The following IVNS1ABP variants were observed in gnomAD, a reference collection of about 807,000 sequenced individuals.
IVNS1ABP encodes the protein influenza virus NS1A binding protein.
IVNS1ABP carries 25 observed loss-of-function variants against 78.9 expected under a neutral mutation model. The observed-to-expected ratio is 0.32, with a 90% CI of 0.23 to 0.44. IVNS1ABP has a LOEUF of 0.44. Among genes scored for constraint, IVNS1ABP ranks in the 20% least tolerant of loss-of-function variants. IVNS1ABP has a pLI of 1.00. For missense variants in IVNS1ABP, 494 were observed against 768.9 expected (o/e 0.64, Z 4.23); for synonymous variants, 241 against 259.7 (o/e 0.93, Z 0.69).
chr1:185,311,057 T>C (rs1558119517), intron 2 of IVNS1ABP, 38 bp downstream of exon 2: 1 of 348,752 alleles, frequency 2.9e-6, no homozygotes, highest in Non-Finnish European at 5.1e-6. Flanking sequence ...AAAAACAATG[T>C]GTCTTAATAC....
At chr1:185,299,007 T>A (rs547304954) in intron 14 of IVNS1ABP, 1 of 152,338 alleles carries the variant, frequency 6.6e-6, no homozygotes, top group East Asian at 1.9e-4. Context: ...TTAGAAAAAA[T>A]TTTATTACTG....
intron 8 of IVNS1ABP, among the ~76,000 whole-genome samples, chr1:185,302,885 G>A (rs1199332432): frequency 6.6e-6 from 1 of 152,018 alleles, no homozygotes; most frequent in Non-Finnish European, 1.5e-5. Context: ...TAGGAATTAT[G>A]AAGATAAACC....
chr1:185,308,489 A>T (rs1382680491), intron 5 of IVNS1ABP, among the ~76,000 whole-genome samples: 1 of 152,202 alleles, frequency 6.6e-6, no homozygotes, highest in African/African-American at 2.4e-5. Flanking sequence ...CACAGAATTG[A>T]GGATATAAGT....
intron 1 of IVNS1ABP, 76 bp downstream of exon 1, chr1:185,316,877 C>T: frequency 2.5e-6 from 1 of 397,384 alleles, no homozygotes; most frequent in Non-Finnish European, 4.4e-6. Flanking sequence ...TCCCATCCGC[C>T]GGCGCCATCC....
At chr1:185,303,529 CAT>C (rs1209886324) in intron 8 of IVNS1ABP, among the ~76,000 whole-genome samples, 2 of 152,058 alleles carry the variant, frequency 1.3e-5, no homozygotes, top group Non-Finnish European at 2.9e-5. Context: ...ATGAGTCACA[CAT>C]GTCAGAATCC....
rs775662633 is a variant in IVNS1ABP, at chr1:185,307,072, T to C, written c.599A>G (p.Asn200Ser). Residue 200 changes from asparagine (N) to serine (S), a missense_variant, in exon 7 of 15, where the codon AAC (asparagine) becomes AGC (serine). Transcript: ENST00000367498. ...CTCCCAGATGCTACGCTGCACCCAG[T>C]TGATTACCTTTGTATATAATTTGCC... ...SNGKLYTKVI[N>S]WVQRSIWENG... 6.2e-7 allele frequency: 1 copy of C among 1,613,522 alleles called. No homozygotes were observed. The highest frequency in any genetic ancestry group is 8.5e-7 in the Non-Finnish European group (1 of 1,179,528).
intron 9 of IVNS1ABP, 53 bp downstream of exon 9, chr1:185,301,381 C>G: frequency 1.9e-6 from 3 of 1,597,412 alleles, no homozygotes; most frequent in Non-Finnish European, 2.6e-6. Flanking sequence ...TGGCAACACT[C>G]CTTCTTAAAA....
intron 1 of IVNS1ABP, among the ~76,000 whole-genome samples, chr1:185,316,233 G>C (rs555313931): frequency 7.7e-4 from 117 of 152,184 alleles, no homozygotes; most frequent in African/African-American, 2.6e-3. Context: ...CGCAGGCTGC[G>C]AGGCGAGGCC....
chr1:185,299,412 A>G (rs999480345), intron 14 of IVNS1ABP: 6 of 367,416 alleles, frequency 1.6e-5, no homozygotes, highest in African/African-American at 8.2e-5. Flanking sequence ...AAGAAGGGGA[A>G]ACTCAAAATT....
rs1033859731 is a variant in IVNS1ABP, at chr1:185,305,798, A to G, written c.658-155T>C. 6.2e-5 allele frequency: 45 copies of G among 726,544 alleles called. No homozygotes were observed. The Admixed American group carries it at 1.6e-3, about 25-fold the overall frequency. 45.0% of individuals were successfully genotyped at this position (726,544 alleles called of 1,614,324 possible). A position where few individuals can be genotyped will look rare whatever the true frequency, so the allele number is the denominator to read the frequency against. On this transcript the variant is annotated intron_variant, in intron 7 of 14. Transcript: ENST00000367498. The surrounding 1 kb of genome is among the most constrained non-coding windows in gnomAD (Gnocchi z 4.0). ...AGGATCCGGAGGTAAAGAAAAATAC[A>G]TGTCATGGTGGTAAAAATTAAAAAA...
chr1:185,307,632 C>T lies in IVNS1ABP; in HGVS notation c.388G>A (p.Asp130Asn). The change falls in exon 6 of 15, where the codon GAT (aspartate) becomes AAT (asparagine). Residue 130 changes from aspartate (D) to asparagine (N), a missense_variant. By Grantham distance (23) the Asp-to-Asn change is conservative. Coordinates refer to ENST00000367498, the MANE Select transcript of IVNS1ABP (RefSeq NM_006469.5). ...CGGTAAGAGATGCAGCTGGTAACAT[C>T]CATTCTAGACAGTAAATAATCACCA... Reference protein sequence around the residue: ...VCGDYLLSRMDVTSCISYRNF... With the variant: ...VCGDYLLSRMNVTSCISYRNF... 6.2e-7 allele frequency: 1 copy of T among 1,613,388 alleles called. No homozygotes were observed. The highest frequency in any genetic ancestry group is 8.5e-7 in the Non-Finnish European group (1 of 1,179,568).
chr1:185,299,411 A>G (rs749040917), intron 14 of IVNS1ABP: 14 of 366,582 alleles, frequency 3.8e-5, no homozygotes, highest in Non-Finnish European at 6.6e-5. Context: ...AAAGAAGGGG[A>G]AACTCAAAAT....
At chr1:185,314,121 A>ATTTATAATACAATT (rs1665953514) in intron 1 of IVNS1ABP, among the ~76,000 whole-genome samples, 2 of 152,214 alleles carry the variant, frequency 1.3e-5, no homozygotes, top group Admixed American at 6.5e-5. Context: ...TGCATTTTTA[A>ATTTATAATACAATT]AGGAAAGACT....
intron 1 of IVNS1ABP, among the ~76,000 whole-genome samples, chr1:185,316,082 C>T (rs1270132934): frequency 6.6e-6 from 1 of 152,210 alleles, no homozygotes. Flanking sequence ...ACCTTCCTAT[C>T]ATCAAGAGCT....
At chr1:185,301,665 T>C (rs992636053) in intron 8 of IVNS1ABP, 102 bp from the exon 9 acceptor site, 2 of 1,255,906 alleles carry the variant, frequency 1.6e-6, no homozygotes, top group Non-Finnish European at 2.3e-6. Flanking sequence ...TTCACCTATA[T>C]ATGACATTTA....
At position 185,299,834 on chromosome 1, in the gene IVNS1ABP, G is replaced by A. The variant is rs751982686; in HGVS notation, c.1551C>T (p.Ile517=). 8 of 1,613,610 alleles carry A rather than the reference G, an allele frequency of 5.0e-6. No homozygotes were observed. The highest frequency in any genetic ancestry group is 2.2e-5 in the East Asian group (1 of 44,858). ...VCELGGYLYI[I]GGAESWNCLN... is the part of the protein sequence containing the mutation. ...GACAATTCCAAGATTCTGCACCTCC[G>A]ATTATGTACAAATAACCACCAAGCT... Residue 517 remains isoleucine, a synonymous_variant, in exon 14 of 15, where the codon ATC becomes ATT. Coordinates refer to ENST00000367498, the MANE Select transcript of IVNS1ABP (RefSeq NM_006469.5).
chr1:185,307,821 A>T lies in IVNS1ABP; in HGVS notation c.358-159T>A, dbSNP rs1665778953. On this transcript the variant is annotated intron_variant, in intron 5 of 14. Coordinates refer to ENST00000367498, the MANE Select transcript of IVNS1ABP (RefSeq NM_006469.5). ...AGTGGTAATAACACGTATACAAATG[A>T]TAAACATCTAATTATGCCATACAGA... 5.8e-6 allele frequency: 7 copies of T among 1,214,824 alleles called. No individual in the cohort carries two copies. The South Asian group carries it at 1.1e-4, about 19-fold the overall frequency. 75.3% of individuals were successfully genotyped at this position (1,214,824 alleles called of 1,614,324 possible). A position where few individuals can be genotyped will look rare whatever the true frequency, so the allele number is the denominator to read the frequency against.
chr1:185,306,250 A>G (rs1349442254), intron 7 of IVNS1ABP: 1 of 238,910 alleles, frequency 4.2e-6, no homozygotes, highest in Non-Finnish European at 8.4e-6. Flanking sequence ...CTGCAGGCCT[A>G]ACAGATTTGG....
intron 1 of IVNS1ABP, among the ~76,000 whole-genome samples, chr1:185,315,549 A>G (rs1482659805): frequency 6.6e-6 from 1 of 152,232 alleles, no homozygotes; most frequent in Non-Finnish European, 1.5e-5. Flanking sequence ...CCAAATTATA[A>G]GCTTGATAAG....
Sources: gnomAD v4.1 joint callset for allele counts (sites outside exome capture counted in the v4.1 genomes callset) on GRCh38, gnomAD v4.1.1 for gene constraint, Gnocchi (gnomAD v3.1) non-coding constraint, MANE v1.5 for transcripts, NCBI Gene and HGNC (gene_info 2026-07-23, HGNC 2026-07-21) for gene names.